Variants in YJU2 observed in about 807,000 individuals in gnomAD.
YJU2 encodes splicing factor YJU2.
In YJU2, 28 loss-of-function variants were observed where a neutral mutation model predicts 39.6. The ratio of observed to expected loss-of-function variants is 0.71; its 90% confidence interval spans 0.52 to 0.97. The LOEUF is 0.97. Among genes scored for constraint, YJU2 ranks in the 50% least tolerant of loss-of-function variants. The pLI, the probability that YJU2 is intolerant of heterozygous loss-of-function variation, is 0.00. For missense variants in YJU2, 328 were observed against 430.4 expected (o/e 0.76, Z 2.11); for synonymous variants, 184 against 182.4 (o/e 1.01, Z -0.07).
chr19:4,254,571 T>C lies in YJU2; in HGVS notation c.405+82T>C. On this transcript the variant is annotated intron_variant, in intron 4 of 7. Transcript: ENST00000262962. ...TGCCAATGGTTGTGCCCTTCCTGCC[T>C]CAGGTCCCCAAGGAAGGAAGATGGG... 4 of 1,442,252 alleles carry C rather than the reference T, an allele frequency of 2.8e-6. No individual in the cohort carries two copies. The South Asian group carries it at 6.0e-5, about 22-fold the overall frequency. 89.3% of individuals were successfully genotyped at this position (1,442,252 alleles called of 1,614,324 possible).
At position 4,247,623 on chromosome 19, in the gene YJU2, GT is replaced by G. The variant is rs1399216085; in HGVS notation, c.24+454del. Among the ~76,000 whole-genome samples the G allele has an allele frequency of 4.1e-3, 194 of 47,304 alleles. 20 individuals carry two copies. Among genetic ancestry groups the G allele is most frequent in the East Asian group, 9.1e-3 (16 of 1,750 alleles). The allele number at this position is 47,304 out of a possible 152,430, so 31.0% of individuals were successfully genotyped here. A position where few individuals can be genotyped will look rare whatever the true frequency, so the allele number is the denominator to read the frequency against. ...TGTGTGTGTGTGTGTGTGTGTGTGT[GT>G]GTGTGTGTGTGTGTGTGTGTGTGTG... is the stretch of plus-strand genomic sequence containing the variant. On this transcript the variant is annotated intron_variant, in intron 1 of 7. Transcript: ENST00000262962.
chr19:4,258,828 G>T (rs1369186927), intron 5 of YJU2, among the ~76,000 whole-genome samples: 1 of 152,172 alleles, frequency 6.6e-6, no homozygotes. Flanking sequence ...CCCAGCGTGG[G>T]GTTCCTATGG....
chr19:4,255,357 G>A (rs1226938707), intron 4 of YJU2, among the ~76,000 whole-genome samples: 1 of 152,054 alleles, frequency 6.6e-6, no homozygotes. Context: ...GTTGAGACAG[G>A]AGGATCACTT....
Position 4,247,657 on chromosome 19 carries a change from GTGTGTGTGT to G in YJU2, c.24+488_24+496del, listed in dbSNP as rs1568359708. 5.6e-4 allele frequency among the ~76,000 whole-genome samples: 40 copies of G among 71,304 alleles called. 3 individuals carry two copies. Among genetic ancestry groups the G allele is most frequent in the African/African-American group, 8.6e-4 (12 of 13,954 alleles). The allele number at this position is 71,304 out of a possible 152,430, so 46.8% of individuals were successfully genotyped here. A position where few individuals can be genotyped will look rare whatever the true frequency, so the allele number is the denominator to read the frequency against. On this transcript the variant is annotated intron_variant, in intron 1 of 7. Transcript: ENST00000262962. ...TGTGTGTGTGTGTGTGTGTGTGTGT[GTGTGTGTGT>G]GTGTGTGTGTGTGTGTGTGTGTGTG... is the stretch of plus-strand genomic sequence containing the variant.
intron 4 of YJU2, among the ~76,000 whole-genome samples, chr19:4,254,995 G>T (rs541570346): frequency 3.1e-4 from 46 of 150,560 alleles, no homozygotes; most frequent in Non-Finnish European, 6.2e-4. Context: ...GGCAGATGTT[G>T]CAGGAAGCCG....
rs867873888 is a variant in YJU2 at position 4,260,377 on chromosome 19, G to A, written c.588-1617G>A. Among the ~76,000 whole-genome samples, 17 of 152,200 alleles carry A rather than the reference G, an allele frequency of 1.1e-4. No individual in the cohort carries two copies. The South Asian group carries it at 1.7e-3, about 15-fold the overall frequency. On this transcript the variant is annotated intron_variant, in intron 5 of 7. Coordinates refer to ENST00000262962, the MANE Select transcript of YJU2 (RefSeq NM_018074.6). ...CGGGAGGCAGAGGTTATAGTGAGCC[G>A]AGATGGTGCCACTGAACTCCAGCCT...
chr19:4,249,159 C>T (rs998766592), intron 1 of YJU2, 69 bp from the exon 2 acceptor site: 30 of 1,096,262 alleles, frequency 2.7e-5, no homozygotes, highest in Non-Finnish European at 3.6e-5. Context: ...CCCAGAGCCC[C>T]TTCCCTCTGC....
At chr19:4,253,692 G>A (rs963358930) in intron 3 of YJU2, among the ~76,000 whole-genome samples, 3 of 152,196 alleles carry the variant, frequency 2.0e-5, no homozygotes, top group African/African-American at 7.2e-5. Flanking sequence ...ATACCAGGGT[G>A]TATTTAGCCT....
intron 3 of YJU2, among the ~76,000 whole-genome samples, 156 bp downstream of exon 3, chr19:4,251,327 G>A (rs769071537): frequency 2.0e-5 from 3 of 152,106 alleles, no homozygotes; most frequent in Non-Finnish European, 4.4e-5. Context: ...AGATGTTCAT[G>A]GCAGCATTCT....
intron 4 of YJU2, 45 bp downstream of exon 4, chr19:4,254,534 GGT>G (rs748084575): frequency 9.4e-5 from 141 of 1,504,150 alleles, no homozygotes; most frequent in Middle Eastern, 6.7e-4. Context: ...TGTGTGTGTG[GGT>G]GTGTGTGTGT....
chr19:4,265,459 G>T (rs1341015746), intron 6 of YJU2, among the ~76,000 whole-genome samples: 7 of 150,522 alleles, frequency 4.7e-5, no homozygotes, highest in African/African-American at 1.5e-4. Context: ...TTTTAGAGGC[G>T]AGTCTGTATG....
intron 3 of YJU2, among the ~76,000 whole-genome samples, chr19:4,251,450 C>T (rs1970975955): frequency 6.6e-6 from 1 of 152,050 alleles, no homozygotes; most frequent in South Asian, 2.1e-4. Context: ...GCACTTTGGG[C>T]GGCCAAGGCG....
chr19:4,252,767 A>T (rs1389941647), intron 3 of YJU2, among the ~76,000 whole-genome samples: 1 of 151,786 alleles, frequency 6.6e-6, no homozygotes, highest in African/African-American at 2.4e-5. Context: ...AGTACAAAAA[A>T]ATATAAAAAT....
intron 7 of YJU2, among the ~76,000 whole-genome samples, chr19:4,268,320 TG>T (rs1266630265): frequency 6.6e-6 from 1 of 152,228 alleles, no homozygotes; most frequent in Admixed American, 6.5e-5. Context: ...CTGTGAACTT[TG>T]CGCCATTTCC....
chr19:4,252,325 G>T (rs59032612), intron 3 of YJU2, among the ~76,000 whole-genome samples: 61,044 of 151,518 alleles, frequency 0.4, 14,162 homozygotes, highest in African/African-American at 0.64. Context: ...TAGGCCGGGC[G>T]CAGTGGCTCA....
intron 4 of YJU2, among the ~76,000 whole-genome samples, chr19:4,256,403 A>G (rs1599498931): frequency 6.6e-6 from 1 of 151,848 alleles, no homozygotes; most frequent in East Asian, 1.9e-4. Context: ...TTCCATGGCC[A>G]TGCAGAGCAA....
chr19:4,259,664 C>T (rs1035064792), intron 5 of YJU2, among the ~76,000 whole-genome samples: 4 of 152,058 alleles, frequency 2.6e-5, no homozygotes, highest in Non-Finnish European at 5.9e-5. Flanking sequence ...CACGTGTGAG[C>T]CCCTGTGGTT....
rs369692539 is a variant in YJU2, at chr19:4,268,634, G to A, written c.910G>A (p.Ala304Thr). 26 of 1,613,912 alleles carry A rather than the reference G, an allele frequency of 1.6e-5. No homozygotes were observed. Among genetic ancestry groups the A allele is most frequent in the Admixed American group, 5.0e-5 (3 of 59,994 alleles). Residue 304 changes from alanine (A) to threonine (T), a missense_variant, in exon 8 of 8, where the codon GCG becomes ACG. Coordinates refer to ENST00000262962, the MANE Select transcript of YJU2 (RefSeq NM_018074.6). ...CAACCCTACACCCCTGACGCCTGGC[G>A]CGTCCTCCCTGAGCCAACTGGGTGC... ...EANPTPLTPG[A>T]SSLSQLGAYL...
rs1250434029 is a variant in YJU2 at position 4,268,848 on chromosome 19, G to A, written c.*152G>A. 8.1e-6 allele frequency: 5 copies of A among 617,902 alleles called. No individual in the cohort carries two copies. The highest frequency in any genetic ancestry group is 5.5e-5 in the African/African-American group (3 of 54,296). The allele number at this position is 617,902 out of a possible 1,614,324, so 38.3% of individuals were successfully genotyped here. A position where few individuals can be genotyped will look rare whatever the true frequency, so the allele number is the denominator to read the frequency against. Reference sequence around the variant, plus strand: ...CGTGCTCCAACACATAGGGCCACCAGGGGCCTCAGCCCCAGGAGGTCCCTT... The same window carrying A: ...CGTGCTCCAACACATAGGGCCACCAAGGGCCTCAGCCCCAGGAGGTCCCTT... On this transcript the variant is annotated 3_prime_UTR_variant, in exon 8 of 8. Coordinates refer to ENST00000262962, the MANE Select transcript of YJU2 (RefSeq NM_018074.6).
Sources: gnomAD v4.1 joint callset for allele counts (sites outside exome capture counted in the v4.1 genomes callset) on GRCh38, gnomAD v4.1.1 for gene constraint, MANE v1.5 for transcripts, NCBI Gene and HGNC (gene_info 2026-07-23, HGNC 2026-07-21) for gene names.